The following PHF20 variants were observed in gnomAD, a reference collection of about 807,000 sequenced individuals.
PHF20 encodes the protein glioma-expressed antigen 2.
A neutral mutation model predicts 113.5 loss-of-function variants in PHF20; 23 were observed. The ratio of observed to expected loss-of-function variants is 0.20; its 90% CI spans 0.15 to 0.29. The LOEUF (loss-of-function observed/expected upper bound fraction) is 0.29, where lower values mean the gene tolerates loss of function less well. Ranked by LOEUF, PHF20 falls within the 10% of genes least tolerant of loss-of-function variation. The probability of loss-of-function intolerance (pLI) is 1.00; values close to 1 mark genes in which losing one functional copy is unlikely to be tolerated. For missense variants in PHF20, 943 were observed against 1,219.6 expected, an observed-to-expected ratio of 0.77 and a Z score of 3.38; for synonymous variants, 434 against 457.3, an observed-to-expected ratio of 0.95 and a Z score of 0.65.
chr20:35,902,739 G>A (rs1600905864), intron 10 of PHF20, among the ~76,000 whole-genome samples: 2 of 152,112 alleles, frequency 1.3e-5, no homozygotes, highest in African/African-American at 2.4e-5. Context: ...GAGAACTTGC[G>A]AAACTTCAAT....
At chr20:35,926,923 A>G (rs2055650483) in intron 13 of PHF20, among the ~76,000 whole-genome samples, 2 of 152,122 alleles carry the variant, frequency 1.3e-5, no homozygotes, top group Non-Finnish European at 2.9e-5. Context: ...CTGGTTTGGA[A>G]TTGCTTGAAG....
At chr20:35,858,894 T>C (rs2042886075) in intron 5 of PHF20, among the ~76,000 whole-genome samples, 1 of 152,058 alleles carries the variant, frequency 6.6e-6, no homozygotes, top group African/African-American at 2.4e-5. Context: ...TTAACAGAGA[T>C]TTTTTTTCAA....
At chr20:35,922,013 G>C (rs1405827205) in intron 13 of PHF20, among the ~76,000 whole-genome samples, 1 of 152,200 alleles carries the variant, frequency 6.6e-6, no homozygotes, top group Non-Finnish European at 1.5e-5. Context: ...TGGTGTGTTT[G>C]AGGGTAGAGG....
At chr20:35,892,764 G>A (rs1343712863) in intron 9 of PHF20, among the ~76,000 whole-genome samples, 2 of 152,036 alleles carry the variant, frequency 1.3e-5, no homozygotes, top group Non-Finnish European at 2.9e-5. Context: ...TGCTTGTGTT[G>A]ATTGTTTTTT....
intron 13 of PHF20, among the ~76,000 whole-genome samples, chr20:35,927,228 A>G (rs931840868): frequency 6.6e-6 from 1 of 152,234 alleles, no homozygotes; most frequent in African/African-American, 2.4e-5. Flanking sequence ...GAGAGAATAA[A>G]TGCAAAGTAC....
At chr20:35,894,198 G>A (rs890785365) in intron 9 of PHF20, among the ~76,000 whole-genome samples, 2 of 152,172 alleles carry the variant, frequency 1.3e-5, no homozygotes, top group African/African-American at 4.8e-5. Flanking sequence ...TATGAAGACT[G>A]GTTGAAGAAA....
chr20:35,936,546 G>T (rs2055868649), intron 15 of PHF20, among the ~76,000 whole-genome samples: 1 of 152,178 alleles, frequency 6.6e-6, no homozygotes, highest in Admixed American at 6.5e-5. Flanking sequence ...CAGGAGTCTG[G>T]CCCTAAAAAG....
At chr20:35,815,475 T>C (rs1281705943) in intron 2 of PHF20, among the ~76,000 whole-genome samples, 3 of 151,732 alleles carry the variant, frequency 2.0e-5, no homozygotes, top group Non-Finnish European at 4.4e-5. Flanking sequence ...TTATTCTTTT[T>C]TTTTTGAGGC....
intron 9 of PHF20, among the ~76,000 whole-genome samples, chr20:35,874,606 C>T (rs1347137026): frequency 6.6e-6 from 1 of 152,110 alleles, no homozygotes; most frequent in Non-Finnish European, 1.5e-5. Flanking sequence ...GTCTCAGTCA[C>T]TTGAGTAGCT....
chr20:35,911,145 AT>A lies in PHF20; in HGVS notation c.1562-2102del, dbSNP rs2055293346. On this transcript the variant is annotated intron_variant, in intron 10 of 17. Coordinates refer to ENST00000374012, the MANE Select transcript of PHF20 (RefSeq NM_016436.5). ...AAGCTCCGCCTCCTGGGTTCACGCC[AT>A]TCTCCTGCCTCAGCCTCCCCAGTAG... Among the ~76,000 whole-genome samples the A allele has an allele frequency of 1.3e-5, 2 of 152,024 alleles. 1 individual carries two copies. Among genetic ancestry groups the A allele is most frequent in the South Asian group, 4.1e-4 (2 of 4,830 alleles).
intron 10 of PHF20, among the ~76,000 whole-genome samples, chr20:35,904,637 T>A (rs774457472): frequency 2.6e-5 from 4 of 151,992 alleles, no homozygotes; most frequent in Non-Finnish European, 4.4e-5. Context: ...GACTCCTCAA[T>A]ATCTGGGTTG....
At chr20:35,870,291 G>A (rs1371242344) in intron 7 of PHF20, among the ~76,000 whole-genome samples, 1 of 133,980 alleles carries the variant, frequency 7.5e-6, no homozygotes, top group Non-Finnish European at 1.6e-5. Flanking sequence ...GCGAGAGAGC[G>A]AGACTCCGTC....
intron 3 of PHF20, among the ~76,000 whole-genome samples, chr20:35,843,307 C>T (rs1024349535): frequency 6.6e-6 from 1 of 150,984 alleles, no homozygotes; most frequent in South Asian, 2.1e-4. Context: ...ATCACAAGAT[C>T]GGGAGTTTGA....
chr20:35,836,383 G>GT (rs1161944259), intron 2 of PHF20, among the ~76,000 whole-genome samples: 1 of 151,962 alleles, frequency 6.6e-6, no homozygotes, highest in Admixed American at 6.6e-5. Flanking sequence ...TCTGTAGCTT[G>GT]TTTTTTAAAA....
chr20:35,863,218 CA>C lies in PHF20; in HGVS notation c.627del (p.Glu210ArgfsTer37). 1 of 1,613,920 alleles carries C rather than the reference CA, an allele frequency of 6.2e-7. No individual in the cohort carries two copies. The highest frequency in any genetic ancestry group is 8.5e-7 in the Non-Finnish European group (1 of 1,179,994). On this transcript the variant is annotated frameshift_variant, in exon 6 of 18. Transcript: ENST00000374012. LOFTEE classifies it high-confidence loss of function. ...KLICSEKGKV[S>X]EKSLPKNEKE... The stretch of plus-strand genomic sequence containing the variant: ...ATCTGTTCTGAAAAGGGGAAAGTGT[CA>C]GAGAAAAGTCTTCCCAAGAACGAGA...
chr20:35,838,789 A>G (rs2042487487), intron 2 of PHF20, among the ~76,000 whole-genome samples: 1 of 150,990 alleles, frequency 6.6e-6, no homozygotes, highest in Non-Finnish European at 1.5e-5. Flanking sequence ...GGTGTTCAAG[A>G]CCAGCCTGGG....
chr20:35,910,923 T>C (rs983070217), intron 10 of PHF20, among the ~76,000 whole-genome samples: 1 of 151,800 alleles, frequency 6.6e-6, no homozygotes, highest in African/African-American at 2.4e-5. Context: ...GCCCAGATGG[T>C]TTGTTTTCAT....
At chr20:35,793,880 C>T (rs1015513477) in intron 1 of PHF20, among the ~76,000 whole-genome samples, 2 of 150,120 alleles carry the variant, frequency 1.3e-5, no homozygotes, top group South Asian at 2.1e-4. Flanking sequence ...CGCCTGTAAT[C>T]CCAGCTACTG....
chr20:35,798,606 C>T (rs2041715622), intron 1 of PHF20, among the ~76,000 whole-genome samples: 1 of 151,908 alleles, frequency 6.6e-6, no homozygotes. Context: ...AGGCATGTGC[C>T]ACCATGCCTG....
Sources: allele counts gnomAD v4.1 joint callset (sites outside exome capture counted in the v4.1 genomes callset), GRCh38; gene constraint gnomAD v4.1.1; transcripts MANE v1.5; gene names NCBI Gene and HGNC (gene_info 2026-07-23, HGNC 2026-07-21).